Variants in KIRREL1 observed in about 807,000 individuals in gnomAD.
KIRREL1 encodes the protein kin of IRRE-like protein 1.
Under a neutral mutation model 83.3 loss-of-function variants are expected in KIRREL1, and 25 were observed. The observed-to-expected ratio is 0.30, with a 90% CI of 0.22 to 0.42. The LOEUF is 0.42. KIRREL1 is among the 10% of genes least tolerant of loss of function. KIRREL1 has a pLI of 1.00. For synonymous variants in KIRREL1, 388 were observed against 410.4 expected (o/e 0.95, Z 0.66); for missense variants, 812 against 1,032.3 (o/e 0.79, Z 2.92).
chr1:158,024,076 T>C (rs957991789), intron 1 of KIRREL1, among the ~76,000 whole-genome samples: 4 of 152,016 alleles, frequency 2.6e-5, no homozygotes, highest in Admixed American at 1.3e-4. Context: ...GCCTCTCAAG[T>C]AGCTGGGATT....
chr1:158,058,751 A>G (rs1215590904), intron 1 of KIRREL1, among the ~76,000 whole-genome samples: 1 of 152,154 alleles, frequency 6.6e-6, no homozygotes, highest in Non-Finnish European at 1.5e-5. Context: ...TGCAGACGAC[A>G]TCTGGGACCC....
chr1:158,065,627 CCCTGTCCT>C (rs1418505175), intron 1 of KIRREL1, among the ~76,000 whole-genome samples: 1 of 152,128 alleles, frequency 6.6e-6, no homozygotes, highest in Non-Finnish European at 1.5e-5. Context: ...GACACAAAGG[CCCTGTCCT>C]CTGTTGCCTT....
intron 3 of KIRREL1, among the ~76,000 whole-genome samples, chr1:158,080,158 CCTT>C (rs1661808754): frequency 6.6e-6 from 1 of 152,102 alleles, no homozygotes; most frequent in Admixed American, 6.6e-5. Context: ...TCTTAGGAAA[CCTT>C]CTTCTTTCTT....
intron 5 of KIRREL1, 116 bp downstream of exon 5, chr1:158,086,862 C>A: frequency 1.2e-6 from 1 of 855,332 alleles, no homozygotes; most frequent in Non-Finnish European, 1.8e-6. Flanking sequence ...GTCCCCAGGA[C>A]AAACGCTTGC....
intron 1 of KIRREL1, among the ~76,000 whole-genome samples, chr1:158,032,023 C>G (rs1440533391): frequency 6.6e-6 from 1 of 151,738 alleles, no homozygotes; most frequent in African/African-American, 2.4e-5. Flanking sequence ...GCTGAGCCTG[C>G]GGCTGTGATC....
At chr1:158,054,077 G>T (rs1301926471) in intron 1 of KIRREL1, among the ~76,000 whole-genome samples, 1 of 151,686 alleles carries the variant, frequency 6.6e-6, no homozygotes, top group African/African-American at 2.4e-5. Context: ...CAGGTGTGTG[G>T]TGGTGTGTGC....
At chr1:158,045,535 C>T (rs1660756190) in intron 1 of KIRREL1, among the ~76,000 whole-genome samples, 1 of 152,218 alleles carries the variant, frequency 6.6e-6, no homozygotes, top group Non-Finnish European at 1.5e-5. Flanking sequence ...AATGAAGAGA[C>T]ACACAGGACC....
chr1:158,005,095 G>C (rs1009527092), intron 1 of KIRREL1, among the ~76,000 whole-genome samples: 1 of 152,192 alleles, frequency 6.6e-6, no homozygotes, highest in Non-Finnish European at 1.5e-5. Context: ...GGGGTCAGAT[G>C]GAAGTTCTGT....
At chr1:158,022,291 A>C (rs1431731951) in intron 1 of KIRREL1, among the ~76,000 whole-genome samples, 2 of 152,202 alleles carry the variant, frequency 1.3e-5, no homozygotes, top group Non-Finnish European at 2.9e-5. Context: ...AGAGAATCTC[A>C]GAATTATTTC....
chr1:158,029,372 T>TGTGTGTGTGTGTGTGTGTGTGC (rs1190966368), intron 1 of KIRREL1, among the ~76,000 whole-genome samples: 19 of 149,496 alleles, frequency 1.3e-4, no homozygotes, highest in East Asian at 2.0e-4. Context: ...TGTGTGCACG[T>TGTGTGTGTGTGTGTGTGTGTGC]GCGCGCGCAT....
At chr1:158,070,736 G>A (rs751295799) in intron 1 of KIRREL1, among the ~76,000 whole-genome samples, 1 of 152,148 alleles carries the variant, frequency 6.6e-6, no homozygotes, top group African/African-American at 2.4e-5. Flanking sequence ...CTGAAAGGAC[G>A]GATGTCTGAG....
intron 1 of KIRREL1, among the ~76,000 whole-genome samples, chr1:158,007,400 T>C (rs1410934914): frequency 6.6e-6 from 1 of 150,880 alleles, no homozygotes; most frequent in South Asian, 2.1e-4. Context: ...TTATAGGGGG[T>C]CTAATAGAAT....
At chr1:158,070,977 A>G (rs7540377) in intron 1 of KIRREL1, among the ~76,000 whole-genome samples, 46,766 of 151,926 alleles carry the variant, frequency 0.31, 7,435 homozygotes, top group Non-Finnish European at 0.34. Flanking sequence ...TTTCCTATCC[A>G]GTGAGAAAAA....
chr1:158,093,261 T>G, intron 11 of KIRREL1, 78 bp from the exon 12 acceptor site: 4 of 1,235,440 alleles, frequency 3.2e-6, no homozygotes, highest in Non-Finnish European at 4.8e-6. Flanking sequence ...GGCTGTGGCC[T>G]AGCCTTTAGC....
chr1:158,000,269 T>C (rs901552306), intron 1 of KIRREL1, among the ~76,000 whole-genome samples: 1 of 152,246 alleles, frequency 6.6e-6, no homozygotes, highest in African/African-American at 2.4e-5. Flanking sequence ...TCTCTCATCT[T>C]TACCCAAGCC....
At chr1:158,033,465 C>T (rs1357836864) in intron 1 of KIRREL1, among the ~76,000 whole-genome samples, 5 of 152,204 alleles carry the variant, frequency 3.3e-5, no homozygotes, top group Non-Finnish European at 5.9e-5. Flanking sequence ...CCTTCCCTTT[C>T]GAGGAGCACC....
At chr1:158,067,498 G>A (rs1228322609) in intron 1 of KIRREL1, among the ~76,000 whole-genome samples, 3 of 152,180 alleles carry the variant, frequency 2.0e-5, no homozygotes, top group Non-Finnish European at 2.9e-5. Context: ...AGGTTTGACC[G>A]AGGCCCCAGG....
intron 1 of KIRREL1, among the ~76,000 whole-genome samples, chr1:158,029,122 A>G (rs551217972): frequency 6.6e-6 from 1 of 152,220 alleles, no homozygotes; most frequent in Non-Finnish European, 1.5e-5. Flanking sequence ...AAAAACCTGT[A>G]CAGGGCATGT....
Position 158,093,689 on chromosome 1 carries a change from C to A in KIRREL1, c.1646C>A (p.Thr549Lys), listed in dbSNP as rs1181952046. Reference sequence around the variant, plus strand: ...GAGACAGTGAACCGAGAGCCACTTACGATGCATTCTGACCGGGAGGATGAC... The same window carrying A: ...GAGACAGTGAACCGAGAGCCACTTAAGATGCATTCTGACCGGGAGGATGAC... ...KVETVNREPL[T>K]MHSDREDDTA... The change falls in exon 13 of 15, where the codon ACG (threonine) becomes AAG (lysine). Residue 549 changes from threonine to lysine, a missense_variant. By Grantham distance (78) the Thr-to-Lys change is moderately conservative. Transcript: ENST00000359209. The A allele has an allele frequency of 6.2e-7, 1 of 1,614,194 alleles. No individual in the cohort carries two copies. Among genetic ancestry groups the A allele is most frequent in the Non-Finnish European group, 8.5e-7 (1 of 1,180,036 alleles).
Sources: allele counts gnomAD v4.1 joint callset (sites outside exome capture counted in the v4.1 genomes callset), GRCh38; gene constraint gnomAD v4.1.1; transcripts MANE v1.5; gene names NCBI Gene and HGNC (gene_info 2026-07-23, HGNC 2026-07-21).